The following DCLK2 variants were observed in gnomAD, a reference collection of about 807,000 sequenced individuals.
DCLK2 encodes the protein serine/threonine-protein kinase DCLK2.
DCLK2 carries 31 observed loss-of-function variants against 78.4 expected under a neutral mutation model. The ratio of observed to expected loss-of-function variants is 0.40; its 90% confidence interval spans 0.30 to 0.53. The LOEUF is 0.53. Among genes scored for constraint, DCLK2 ranks in the 20% least tolerant of loss-of-function variants. The pLI, the probability that DCLK2 is intolerant of heterozygous loss-of-function variation, is 0.61. For missense variants in DCLK2, 872 were observed against 973.7 expected (o/e 0.90, Z 1.39); for synonymous variants, 407 against 374.9 (o/e 1.09, Z -0.99).
chr4:150,201,568 T>G (rs1394573078), intron 4 of DCLK2, among the ~76,000 whole-genome samples: 1 of 152,240 alleles, frequency 6.6e-6, no homozygotes, highest in Non-Finnish European at 1.5e-5. Flanking sequence ...GTTAAATCCC[T>G]GGCAGTGAGT....
chr4:150,133,212 G>T (rs1432375433), intron 2 of DCLK2, among the ~76,000 whole-genome samples: 1 of 152,176 alleles, frequency 6.6e-6, no homozygotes, highest in East Asian at 1.9e-4. Flanking sequence ...CCATGACCAT[G>T]AAAAGACCGT....
intron 2 of DCLK2, among the ~76,000 whole-genome samples, chr4:150,118,300 G>T (rs1732254738): frequency 7.5e-6 from 1 of 132,926 alleles, no homozygotes; most frequent in Non-Finnish European, 1.7e-5. Context: ...AGTTTCACTT[G>T]GTGTTTACCA....
chr4:150,079,114 C>T lies in DCLK2; in HGVS notation c.87C>T (p.Ser29=). 1 of 1,573,880 alleles carries T rather than the reference C, an allele frequency of 6.4e-7. No individual in the cohort carries two copies. Among genetic ancestry groups the T allele is most frequent in the Non-Finnish European group, 8.6e-7 (1 of 1,162,494 alleles). Residue 29 remains serine, a synonymous_variant, in exon 1 of 16, where the codon AGC becomes AGT. Transcript: ENST00000296550. ...CGGGGTCGCGGAGAGGGGCCCCCAG[C>T]TCCTCCGGGGGCAGCAGCAGCTCGG... ...PRPGSRRGAP[S]SSGGSSSSGP...
chr4:150,200,022 A>T (rs1179826453), intron 4 of DCLK2, among the ~76,000 whole-genome samples: 3 of 152,136 alleles, frequency 2.0e-5, no homozygotes, highest in Non-Finnish European at 4.4e-5. Context: ...TGTCTCTTTT[A>T]AAAAAATTTT....
At chr4:150,188,242 G>A (rs1474227247) in intron 2 of DCLK2, among the ~76,000 whole-genome samples, 1 of 152,120 alleles carries the variant, frequency 6.6e-6, no homozygotes, top group Non-Finnish European at 1.5e-5. Context: ...GAGAGGCTGA[G>A]GCAGGTAGAT....
rs968932393 is a variant in DCLK2 at position 150,186,367 on chromosome 4, T to C, written c.757-6771T>C. On this transcript the variant is annotated intron_variant, in intron 2 of 15. Transcript: ENST00000296550. ...TATGTTGTAAAACATAGAAAAATTA[T>C]CTTAGTGTCCAAACAGATATTTTAA... Among the ~76,000 whole-genome samples, 38 of 152,222 alleles carry C rather than the reference T, an allele frequency of 2.5e-4. 1 individual carries two copies. Among genetic ancestry groups the C allele is most frequent in the Admixed American group, 3.3e-4 (5 of 15,286 alleles).
intron 2 of DCLK2, among the ~76,000 whole-genome samples, chr4:150,120,803 T>C (rs1452252877): frequency 6.6e-6 from 1 of 152,164 alleles, no homozygotes; most frequent in Non-Finnish European, 1.5e-5. Flanking sequence ...GCATGGTGGC[T>C]CACACCTGTA....
intron 2 of DCLK2, among the ~76,000 whole-genome samples, chr4:150,130,067 C>T (rs911919134): frequency 2.0e-5 from 3 of 152,064 alleles, no homozygotes; most frequent in Admixed American, 6.5e-5. Context: ...GGATTAAATT[C>T]GTGGATGTTT....
chr4:150,081,687 A>G (rs990722672), intron 1 of DCLK2, among the ~76,000 whole-genome samples: 5 of 151,984 alleles, frequency 3.3e-5, no homozygotes, highest in African/African-American at 1.2e-4. Flanking sequence ...CTCCATAGCA[A>G]TGCAATTTTT....
At position 150,203,808 on chromosome 4, in the gene DCLK2, C is replaced by T. The variant is rs770463243; in HGVS notation, c.975C>T (p.Pro325=). 14 of 1,613,770 alleles carry T rather than the reference C, an allele frequency of 8.7e-6. No homozygotes were observed. The highest frequency in any genetic ancestry group is 6.7e-5 in the East Asian group (3 of 44,868). The change falls in exon 5 of 16, where the codon CCC becomes CCT. Residue 325 remains proline (P), a synonymous_variant. Coordinates refer to ENST00000296550, the MANE Select transcript of DCLK2 (RefSeq NM_001040260.4). ...TCTCATGGGCAGTTAATGGAACTCC[C>T]AGCAGCCAACTTTCTACTCCTAAAT... The part of the protein sequence containing the change: ...SKSPASVNGT[P]SSQLSTPKST...
intron 10 of DCLK2, among the ~76,000 whole-genome samples, chr4:150,236,334 T>TG (rs1480281604): frequency 1.4e-4 from 21 of 152,188 alleles, no homozygotes; most frequent in African/African-American, 5.1e-4. Flanking sequence ...TACAGAATCT[T>TG]GCAGAATGGT....
chr4:150,123,429 G>A (rs1055068807), intron 2 of DCLK2, among the ~76,000 whole-genome samples: 4 of 152,094 alleles, frequency 2.6e-5, no homozygotes, highest in Non-Finnish European at 5.9e-5. Flanking sequence ...TTATAGGTTA[G>A]GTTTGCTGTC....
intron 12 of DCLK2, among the ~76,000 whole-genome samples, chr4:150,241,296 A>G (rs912939868): frequency 6.6e-6 from 1 of 152,196 alleles, no homozygotes; most frequent in Non-Finnish European, 1.5e-5. Context: ...GCCACTGACA[A>G]TGGTCAGAGT....
intron 2 of DCLK2, among the ~76,000 whole-genome samples, chr4:150,117,811 C>G (rs141500825): frequency 7.2e-5 from 11 of 152,276 alleles, no homozygotes; most frequent in African/African-American, 2.4e-4. Context: ...TGGTTTCTTT[C>G]AGTTTTCATG....
At chr4:150,106,198 C>T (rs1195443137) in intron 2 of DCLK2, among the ~76,000 whole-genome samples, 1 of 152,120 alleles carries the variant, frequency 6.6e-6, no homozygotes, top group Non-Finnish European at 1.5e-5. Flanking sequence ...TTTCTTAGTG[C>T]TGAGTCCATG....
chr4:150,109,778 G>A lies in DCLK2; in HGVS notation c.756+6966G>A, dbSNP rs566236206. 3.9e-5 allele frequency among the ~76,000 whole-genome samples: 6 copies of A among 152,290 alleles called. No homozygotes were observed. The South Asian group carries it at 1.2e-3, about 32-fold the overall frequency. ...CCAACCAAGAATCAACAGACTAAGA[G>A]CAACTAGTAGGATATTTCTGTTCAG... On this transcript the variant is annotated intron_variant, in intron 2 of 15. Transcript: ENST00000296550.
chr4:150,178,071 T>C (rs995210135), intron 2 of DCLK2, among the ~76,000 whole-genome samples: 7 of 152,230 alleles, frequency 4.6e-5, no homozygotes, highest in African/African-American at 1.7e-4. Context: ...ATTAAATATA[T>C]GAATTACCTT....
At chr4:150,100,416 T>G (rs1026531569) in intron 1 of DCLK2, among the ~76,000 whole-genome samples, 2 of 152,214 alleles carry the variant, frequency 1.3e-5, no homozygotes, top group Admixed American at 1.3e-4. Flanking sequence ...TAGAAACAGG[T>G]TGACCAAGGA....
chr4:150,209,277 T>G (rs534115094), intron 5 of DCLK2, among the ~76,000 whole-genome samples: 1 of 152,156 alleles, frequency 6.6e-6, no homozygotes, highest in Non-Finnish European at 1.5e-5. Context: ...CTGCTCCTGG[T>G]GATGGTCACC....
Sources: gnomAD v4.1 joint callset for allele counts (sites outside exome capture counted in the v4.1 genomes callset) on GRCh38, gnomAD v4.1.1 for gene constraint, MANE v1.5 for transcripts, NCBI Gene and HGNC (gene_info 2026-07-23, HGNC 2026-07-21) for gene names.